The following ZNF730 variants were observed in gnomAD, a reference collection of about 807,000 sequenced individuals.
The protein encoded by ZNF730 is zinc finger protein 730, also known as putative zinc finger protein 730.
A neutral mutation model predicts 12.6 loss-of-function variants in ZNF730; 12 were observed. That is an observed-to-expected ratio of 0.95 (90% CI 0.61 to 1.54). The LOEUF (loss-of-function observed/expected upper bound fraction) is 1.54, where lower values mean the gene tolerates loss of function less well. Among genes scored for constraint, ZNF730 ranks in the 40% most tolerant of loss-of-function variants. ZNF730 has a pLI of 0.00. For synonymous variants in ZNF730, 194 were observed against 195.8 expected, an observed-to-expected ratio of 0.99 and a Z score of 0.08; for missense variants, 643 against 583.5, an observed-to-expected ratio of 1.10 and a Z score of -1.05.
At chr19:23,110,527 C>T (rs1027731771) in intron 1 of ZNF730, among the ~76,000 whole-genome samples, 1 of 150,662 alleles carries the variant, frequency 6.6e-6, no homozygotes, top group African/African-American at 2.4e-5. Flanking sequence ...GTGATCCACC[C>T]GCCTTGGCCT....
intron 1 of ZNF730, among the ~76,000 whole-genome samples, chr19:23,082,384 T>C (rs892372679): frequency 6.6e-6 from 1 of 151,936 alleles, no homozygotes; most frequent in Non-Finnish European, 1.5e-5. Context: ...TCTTGCTCTG[T>C]TGCCCAGGCT....
At chr19:23,124,835 G>C (rs1336735182) in intron 1 of ZNF730, among the ~76,000 whole-genome samples, 1 of 152,300 alleles carries the variant, frequency 6.6e-6, no homozygotes, top group East Asian at 1.9e-4. Context: ...AAAATAGGTA[G>C]AGCAGTTATG....
Position 23,146,106 on chromosome 19 carries a change from C to G in ZNF730, c.1062C>G (p.Thr354=). 1 of 1,609,944 alleles carries G rather than the reference C, an allele frequency of 6.2e-7. No individual in the cohort carries two copies. Among genetic ancestry groups the G allele is most frequent in the Non-Finnish European group, 8.5e-7 (1 of 1,177,906 alleles). ...GCAAAGCTTTTAACCGATCCTCAAC[C>G]CTTAATAGACATAAGATAACTCATA... ...ECGKAFNRSS[T]LNRHKITHTG... Residue 354 remains threonine, a synonymous_variant, in exon 4 of 4, where the codon ACC becomes ACG. Transcript: ENST00000597761.
intron 1 of ZNF730, among the ~76,000 whole-genome samples, chr19:23,131,784 C>T (rs1198853999): frequency 6.6e-6 from 1 of 152,122 alleles, no homozygotes; most frequent in Non-Finnish European, 1.5e-5. Context: ...TAGAGTAGGG[C>T]CAAAATTACC....
intron 1 of ZNF730, among the ~76,000 whole-genome samples, chr19:23,099,509 G>A (rs1160730262): frequency 6.6e-6 from 1 of 152,176 alleles, no homozygotes; most frequent in African/African-American, 2.4e-5. Context: ...ACATTGGGAG[G>A]CAGTTGAATG....
chr19:23,084,237 G>T (rs886830399), intron 1 of ZNF730, among the ~76,000 whole-genome samples: 1 of 152,122 alleles, frequency 6.6e-6, no homozygotes, highest in South Asian at 2.1e-4. Context: ...TAGGTGCATA[G>T]ATTTGTTTCT....
chr19:23,117,280 A>C, intron 1 of ZNF730, 104 bp downstream of exon 1: 1 of 1,591,060 alleles, frequency 6.3e-7, no homozygotes, highest in Non-Finnish European at 8.6e-7. Flanking sequence ...CAGCTTCACA[A>C]TCTGCGCCCA....
intron 3 of ZNF730, among the ~76,000 whole-genome samples, chr19:23,143,414 A>G (rs575054090): frequency 1.3e-5 from 2 of 152,276 alleles, no homozygotes; most frequent in East Asian, 1.9e-4. Context: ...CTATGCTTTT[A>G]TCTTTCAAAT....
chr19:23,100,630 CTTTTTTTTTTTTTTTTTTTT>C (rs201462781), intron 1 of ZNF730, among the ~76,000 whole-genome samples: 10 of 118,550 alleles, frequency 8.4e-5, no homozygotes, highest in African/African-American at 1.2e-4. Context: ...GATGGTGATT[CTTTTTTTTTTTTTTTTTTTT>C]TTTTTTTTTT....
chr19:23,127,753 T>G, intron 1 of ZNF730: 3 of 989,852 alleles, frequency 3.0e-6, no homozygotes, highest in South Asian at 1.3e-5. Flanking sequence ...CACAGTTCTC[T>G]TCCTGAGAGG....
Position 23,128,148 on chromosome 19 carries a change from T to C in ZNF730, c.4-5932T>C, listed in dbSNP as rs1047159050. 31 of 904,096 alleles carry C rather than the reference T, an allele frequency of 3.4e-5. No individual in the cohort carries two copies. The African/African-American group carries it at 4.9e-4, about 14-fold the overall frequency. The allele number at this position is 904,096 out of a possible 1,614,324, so 56.0% of individuals were successfully genotyped here. On this transcript the variant is annotated intron_variant, in intron 1 of 3. Coordinates refer to ENST00000597761, the MANE Select transcript of ZNF730 (RefSeq NM_001277403.2). ...GAACTACCACTGGCAATAAAGTTTT[T>C]GGTTCCCTGAAGAGAGCAGTAGATG...
chr19:23,146,506 G>A lies in ZNF730; in HGVS notation c.1462G>A (p.Ala488Thr). Residue 488 changes from alanine (A) to threonine (T), a missense_variant, in exon 4 of 4, where the codon GCC becomes ACC. Coordinates refer to ENST00000597761, the MANE Select transcript of ZNF730 (RefSeq NM_001277403.2). ...KIYKCKECGK[A>T]FRRFSHLTRH... Reference sequence around the variant, plus strand: ...CTACAAATGTAAAGAATGTGGTAAAGCCTTTAGGCGGTTCTCACACCTTAC... The same window carrying A: ...CTACAAATGTAAAGAATGTGGTAAAACCTTTAGGCGGTTCTCACACCTTAC... 1 of 1,591,092 alleles carries A rather than the reference G, an allele frequency of 6.3e-7. No individual in the cohort carries two copies. The highest frequency in any genetic ancestry group is 8.5e-7 in the Non-Finnish European group (1 of 1,170,902).
At chr19:23,138,863 T>G (rs926932427) in intron 3 of ZNF730, among the ~76,000 whole-genome samples, 5 of 152,102 alleles carry the variant, frequency 3.3e-5, no homozygotes, top group African/African-American at 1.2e-4. Context: ...ATGATGCCTG[T>G]TTCTCTCATA....
chr19:23,133,642 C>G (rs535147994), intron 1 of ZNF730, among the ~76,000 whole-genome samples: 1 of 152,298 alleles, frequency 6.6e-6, no homozygotes, highest in African/African-American at 2.4e-5. Context: ...GCACCAAGAT[C>G]CAGAAACTCA....
At chr19:23,119,534 A>G (rs1970572815) in intron 1 of ZNF730, among the ~76,000 whole-genome samples, 1 of 152,204 alleles carries the variant, frequency 6.6e-6, no homozygotes, top group Admixed American at 6.6e-5. Flanking sequence ...TATTAGAATG[A>G]TGCTGTTGCC....
In ZNF730 at chr19:23,128,992, C is replaced by T. The variant is rs1970708177; in HGVS notation, c.4-5088C>T. 2.6e-5 allele frequency among the ~76,000 whole-genome samples: 4 copies of T among 152,126 alleles called. No individual in the cohort carries two copies. The South Asian group carries it at 6.2e-4, about 24-fold the overall frequency. Reference sequence around the variant, plus strand: ...AGGCTGTTGTTTCAGAGGGTGGAAGCCCCAAGCCTTGGCAGCTTCCATATT... The same window carrying T: ...AGGCTGTTGTTTCAGAGGGTGGAAGTCCCAAGCCTTGGCAGCTTCCATATT... On this transcript the variant is annotated intron_variant, in intron 1 of 3. Coordinates refer to ENST00000597761, the MANE Select transcript of ZNF730 (RefSeq NM_001277403.2).
chr19:23,075,554 A>G (rs1041573742), intron 1 of ZNF730, among the ~76,000 whole-genome samples: 2 of 151,630 alleles, frequency 1.3e-5, no homozygotes, highest in Non-Finnish European at 2.9e-5. Context: ...CGCGGCCGGG[A>G]CCCCCAGCGT....
intron 1 of ZNF730, among the ~76,000 whole-genome samples, chr19:23,088,933 T>C (rs1970110600): frequency 6.6e-6 from 1 of 151,976 alleles, no homozygotes; most frequent in African/African-American, 2.4e-5. Flanking sequence ...AGTGCAGTGG[T>C]GCGATCTCGG....
chr19:23,136,110 C>A (rs143966481), intron 3 of ZNF730, 67 bp downstream of exon 3: 726 of 1,178,384 alleles, frequency 6.2e-4, no homozygotes, highest in African/African-American at 5.0e-3. Flanking sequence ...AGAAAAAAAA[C>A]CAGTTTTTAA....
Sources: allele counts gnomAD v4.1 joint callset (sites outside exome capture counted in the v4.1 genomes callset), GRCh38; gene constraint gnomAD v4.1.1; transcripts MANE v1.5; gene names NCBI Gene and HGNC (gene_info 2026-07-23, HGNC 2026-07-21).